Variants in CNTN5 observed in about 807,000 individuals in gnomAD.
CNTN5 encodes contactin 5.
Under a neutral mutation model 129.1 loss-of-function variants are expected in CNTN5, and 77 were observed. The observed-to-expected ratio is 0.60, with a 90% CI of 0.50 to 0.72. The LOEUF is 0.72. CNTN5 is among the 30% of genes least tolerant of loss of function. The pLI is 0.00. For missense variants in CNTN5, 1,478 were observed against 1,328.8 expected (o/e 1.11, Z -1.75); for synonymous variants, 509 against 465.6 (o/e 1.09, Z -1.20).
intron 3 of CNTN5, among the ~76,000 whole-genome samples, chr11:99,705,659 A>T (rs1252552202): frequency 6.6e-6 from 1 of 151,498 alleles, no homozygotes; most frequent in Non-Finnish European, 1.5e-5. Flanking sequence ...TAAAACCATG[A>T]GACAGCATAT....
At chr11:99,713,551 TG>T (rs1206010000) in intron 3 of CNTN5, among the ~76,000 whole-genome samples, 1 of 151,868 alleles carries the variant, frequency 6.6e-6, no homozygotes, top group African/African-American at 2.4e-5. Context: ...TGCAAGATGC[TG>T]GGGTAAATTG....
rs72997209 is a variant in CNTN5, at chr11:99,587,131, A to G, written c.55+30862A>G. Among the ~76,000 whole-genome samples, 1,242 of 152,304 alleles carry G rather than the reference A, an allele frequency of 8.2e-3. 4 individuals are homozygous for G. The highest frequency in any genetic ancestry group is 0.012 in the Non-Finnish European group (837 of 68,022). On this transcript the variant is annotated intron_variant, in intron 3 of 24. Coordinates refer to ENST00000524871, the MANE Select transcript of CNTN5 (RefSeq NM_014361.4). ...TTGCAATGAAGTCATGTTGGCTACT[A>G]AGAAAGAGCAACTCAGAAATGAAGA...
intron 2 of CNTN5, among the ~76,000 whole-genome samples, chr11:99,460,946 A>G (rs1944675609): frequency 6.6e-6 from 1 of 152,106 alleles, no homozygotes; most frequent in South Asian, 2.1e-4. Flanking sequence ...ATTCATTATA[A>G]CAAGTTTATT....
At chr11:99,710,615 ATGTT>A (rs765264963) in intron 3 of CNTN5, among the ~76,000 whole-genome samples, 1 of 138,040 alleles carries the variant, frequency 7.2e-6, no homozygotes, top group African/African-American at 2.8e-5. Context: ...GTATGTATGT[ATGTT>A]TGAGTAATAA....
At chr11:100,010,837 C>G (rs1464521322) in intron 9 of CNTN5, among the ~76,000 whole-genome samples, 1 of 152,148 alleles carries the variant, frequency 6.6e-6, no homozygotes, top group African/African-American at 2.4e-5. Flanking sequence ...TATCCTGCCC[C>G]ACAATCCTAT....
chr11:99,508,636 AC>A (rs1946716327), intron 2 of CNTN5, among the ~76,000 whole-genome samples: 1 of 152,040 alleles, frequency 6.6e-6, no homozygotes, highest in African/African-American at 2.4e-5. Flanking sequence ...TTTTATATCA[AC>A]TGAAGTGACT....
intron 13 of CNTN5, among the ~76,000 whole-genome samples, chr11:100,117,884 A>G (rs1017901334): frequency 1.7e-4 from 26 of 151,914 alleles, no homozygotes; most frequent in Non-Finnish European, 1.3e-4. Flanking sequence ...GCATTAATGT[A>G]TAATGTATCT....
intron 3 of CNTN5, among the ~76,000 whole-genome samples, chr11:99,562,641 G>A (rs1948879406): frequency 6.6e-6 from 1 of 152,088 alleles, no homozygotes; most frequent in Admixed American, 6.6e-5. Flanking sequence ...CTGAAAATAA[G>A]ACTACAGTGA....
At chr11:99,143,860 G>A (rs1419486827) in intron 1 of CNTN5, among the ~76,000 whole-genome samples, 1 of 152,088 alleles carries the variant, frequency 6.6e-6, no homozygotes, top group Non-Finnish European at 1.5e-5. Flanking sequence ...CTGTTTTAGA[G>A]CTAAGAGGAG....
chr11:99,360,821 T>C (rs1158591741), intron 2 of CNTN5, among the ~76,000 whole-genome samples: 1 of 152,236 alleles, frequency 6.6e-6, no homozygotes, highest in Non-Finnish European at 1.5e-5. Context: ...TTCTTCACAA[T>C]ATAGCCAGGT....
chr11:99,034,630 T>C (rs1293914921), intron 1 of CNTN5, among the ~76,000 whole-genome samples: 1 of 151,044 alleles, frequency 6.6e-6, no homozygotes, highest in African/African-American at 2.4e-5. Context: ...CTTTATCATT[T>C]TTTATTGCGT....
intron 18 of CNTN5, among the ~76,000 whole-genome samples, chr11:100,286,435 T>G (rs1023953952): frequency 2.0e-5 from 3 of 151,368 alleles, no homozygotes; most frequent in African/African-American, 7.3e-5. Context: ...CCTCCTCAAG[T>G]GGGTCCCTGA....
chr11:100,126,494 T>G (rs1265688881), intron 13 of CNTN5, among the ~76,000 whole-genome samples: 1 of 152,040 alleles, frequency 6.6e-6, no homozygotes, highest in Non-Finnish European at 1.5e-5. Flanking sequence ...GATAGCTAAC[T>G]CTTCTTGTTG....
At chr11:99,088,300 A>G (rs1326224315) in intron 1 of CNTN5, among the ~76,000 whole-genome samples, 1 of 152,124 alleles carries the variant, frequency 6.6e-6, no homozygotes, top group Non-Finnish European at 1.5e-5. Flanking sequence ...GCAAGCAATC[A>G]TTGCAATTAC....
In CNTN5 at chr11:99,683,184, T is replaced by C. The variant is rs531454653; in HGVS notation, c.55+126915T>C. 4.6e-5 allele frequency among the ~76,000 whole-genome samples: 7 copies of C among 152,012 alleles called. No individual in the cohort carries two copies. The South Asian group carries it at 1.4e-3, about 31-fold the overall frequency. On this transcript the variant is annotated intron_variant, in intron 3 of 24. Transcript: ENST00000524871. The stretch of plus-strand genomic sequence containing the variant: ...TTATTGAATCCAATTTTTTTATTGT[T>C]AGTACTTCTCTATCATGTTTCAGAA...
chr11:99,769,516 C>A (rs1944870882), intron 3 of CNTN5, among the ~76,000 whole-genome samples: 1 of 152,076 alleles, frequency 6.6e-6, no homozygotes, highest in African/African-American at 2.4e-5. Context: ...AATCATGACT[C>A]CCCAAAATTC....
At chr11:99,260,677 C>T (rs754751235) in intron 1 of CNTN5, among the ~76,000 whole-genome samples, 1 of 151,770 alleles carries the variant, frequency 6.6e-6, no homozygotes, top group Non-Finnish European at 1.5e-5. Flanking sequence ...TTTAGAGAGG[C>T]AGTGTGTAGA....
chr11:99,823,116 C>T (rs757900765), intron 4 of CNTN5, among the ~76,000 whole-genome samples: 1 of 152,212 alleles, frequency 6.6e-6, no homozygotes, highest in African/African-American at 2.4e-5. Context: ...GATGAGACAG[C>T]CTCCCACCTT....
chr11:99,150,385 GA>G (rs1859996963), intron 1 of CNTN5, among the ~76,000 whole-genome samples: 1 of 151,906 alleles, frequency 6.6e-6, no homozygotes, highest in Non-Finnish European at 1.5e-5. Flanking sequence ...AATCTTTGTT[GA>G]AGATTCTCAT....
Sources: gnomAD v4.1 joint callset for allele counts (sites outside exome capture counted in the v4.1 genomes callset) on GRCh38, gnomAD v4.1.1 for gene constraint, MANE v1.5 for transcripts, NCBI Gene and HGNC (gene_info 2026-07-23, HGNC 2026-07-21) for gene names.